Variants in RERE observed in about 807,000 individuals in gnomAD.
RERE encodes arginine-glutamic acid dipeptide repeats protein.
A neutral mutation model predicts 146.1 loss-of-function variants in RERE; 40 were observed. That is an observed-to-expected ratio of 0.27 (90% CI 0.21 to 0.36). The LOEUF is 0.36. RERE is among the 10% of genes least tolerant of loss of function. The pLI is 1.00. For missense variants in RERE, 1,933 were observed against 2,138.7 expected, an observed-to-expected ratio of 0.90 and a Z score of 1.90; for synonymous variants, 1,003 against 866.0, an observed-to-expected ratio of 1.16 and a Z score of -2.78.
At chr1:8,473,441 C>T (rs1418957232) in intron 10 of RERE, among the ~76,000 whole-genome samples, 2 of 152,178 alleles carry the variant, frequency 1.3e-5, no homozygotes, top group East Asian at 1.9e-4. Flanking sequence ...TGGACCTCAT[C>T]GCGGATTTTG....
chr1:8,410,872 G>A (rs539551521), intron 12 of RERE, among the ~76,000 whole-genome samples: 18 of 152,204 alleles, frequency 1.2e-4, no homozygotes, highest in Admixed American at 4.6e-4. Context: ...GAGCACAACC[G>A]CAGCTCACTA....
At chr1:8,638,403 TG>T (rs777203400) in intron 2 of RERE, among the ~76,000 whole-genome samples, 3 of 152,194 alleles carry the variant, frequency 2.0e-5, no homozygotes, top group Non-Finnish European at 1.5e-5. Context: ...ATTTGACATT[TG>T]ATGAACTGGT....
chr1:8,653,930 T>C (rs1400094523), intron 2 of RERE, among the ~76,000 whole-genome samples: 1 of 152,084 alleles, frequency 6.6e-6, no homozygotes, highest in African/African-American at 2.4e-5. Flanking sequence ...ACCTCCACTC[T>C]GATCAATTTA....
chr1:8,782,777 G>A (rs1481209394), intron 1 of RERE, among the ~76,000 whole-genome samples: 1 of 152,056 alleles, frequency 6.6e-6, no homozygotes, highest in East Asian at 1.9e-4. Flanking sequence ...GTGGTAGCAG[G>A]CACCTGTAGT....
At chr1:8,388,336 G>A (rs1278442094) in intron 12 of RERE, among the ~76,000 whole-genome samples, 5 of 143,938 alleles carry the variant, frequency 3.5e-5, no homozygotes, top group African/African-American at 1.0e-4. Context: ...TTTTTGAGAC[G>A]GAGTCTCACT....
intron 1 of RERE, chr1:8,786,829 A>G (rs994554956): frequency 7.8e-5 from 75 of 955,936 alleles, no homozygotes; most frequent in Non-Finnish European, 1.1e-4. Context: ...GTTTTGGGCA[A>G]ACTTCTTTCT....
intron 11 of RERE, among the ~76,000 whole-genome samples, chr1:8,439,287 A>G (rs1347507610): frequency 6.6e-6 from 1 of 152,218 alleles, no homozygotes; most frequent in Non-Finnish European, 1.5e-5. Context: ...CTCAATTACT[A>G]ATTGTTCTAA....
intron 4 of RERE, among the ~76,000 whole-genome samples, chr1:8,598,001 A>G (rs552546356): frequency 2.0e-5 from 3 of 152,290 alleles, no homozygotes; most frequent in African/African-American, 7.2e-5. Flanking sequence ...TAAAAGAGAA[A>G]TATGTCTCTA....
intron 19 of RERE, 126 bp from the exon 20 acceptor site, chr1:8,359,042 G>A (rs1002505440): frequency 2.1e-5 from 26 of 1,236,226 alleles, no homozygotes; most frequent in Admixed American, 3.3e-5. Context: ...GTCCCTCCAC[G>A]GAGACCCGGC....
chr1:8,497,870 T>C (rs1645066531), intron 8 of RERE, among the ~76,000 whole-genome samples: 3 of 152,148 alleles, frequency 2.0e-5, no homozygotes, highest in Non-Finnish European at 4.4e-5. Flanking sequence ...CAGCTATTGA[T>C]AAAGAAGGAA....
intron 12 of RERE, among the ~76,000 whole-genome samples, chr1:8,400,187 TCA>T (rs138050288): frequency 0.22 from 32,575 of 150,462 alleles, 4,332 homozygotes; most frequent in Non-Finnish European, 0.29. Context: ...CACCTACAAA[TCA>T]GTTTTGTCTC....
chr1:8,448,956 G>C (rs1644358270), intron 11 of RERE, among the ~76,000 whole-genome samples: 1 of 152,006 alleles, frequency 6.6e-6, no homozygotes, highest in Non-Finnish European at 1.5e-5. Flanking sequence ...CACTCACACA[G>C]GAAACCTCAC....
intron 1 of RERE, among the ~76,000 whole-genome samples, chr1:8,796,912 CCGT>C (rs1641485963): frequency 6.6e-6 from 1 of 152,154 alleles, no homozygotes; most frequent in Admixed American, 6.6e-5. Flanking sequence ...CTATGAGCCT[CCGT>C]TGACAACTTC....
intron 1 of RERE, among the ~76,000 whole-genome samples, chr1:8,731,781 TTTGTTTGTTTG>T (rs754597148): frequency 7.3e-5 from 11 of 150,222 alleles, no homozygotes; most frequent in Non-Finnish European, 1.2e-4. Context: ...ATAATGTTTT[TTTGTTTGTTTG>T]TTTGTTTGTT....
chr1:8,638,758 G>A (rs1407731054), intron 2 of RERE, among the ~76,000 whole-genome samples: 1 of 149,044 alleles, frequency 6.7e-6, no homozygotes, highest in African/African-American at 2.5e-5. Flanking sequence ...GGAAAATGCA[G>A]AAGGAAACTC....
chr1:8,610,573 C>A (rs543772749), intron 4 of RERE, among the ~76,000 whole-genome samples: 9 of 151,570 alleles, frequency 5.9e-5, no homozygotes, highest in Admixed American at 1.3e-4. Flanking sequence ...TTGCTCTGGG[C>A]GACAGAGCAA....
rs369910613 is a variant in RERE, at chr1:8,672,790, A to T, written c.-144-16349T>A. Among the ~76,000 whole-genome samples, 36 of 152,312 alleles carry T rather than the reference A, an allele frequency of 2.4e-4. No individual in the cohort carries two copies. In the South Asian group the frequency reaches 7.5e-3, roughly 32 times the overall value. ...TAACTTCACACTTTACAGTGTCTCCATGCAGCAACAGCAACAACAAAAAAA... is the reference window on the plus strand; with the variant it reads ...TAACTTCACACTTTACAGTGTCTCCTTGCAGCAACAGCAACAACAAAAAAA... On this transcript the variant is annotated intron_variant, in intron 1 of 22. Transcript: ENST00000400908.
intron 1 of RERE, among the ~76,000 whole-genome samples, chr1:8,799,690 T>C (rs1420766261): frequency 1.3e-5 from 2 of 152,062 alleles, no homozygotes; most frequent in African/African-American, 2.4e-5. Context: ...CAGGACAGGT[T>C]TGAATGAGGC....
chr1:8,737,528 A>G (rs1640224923), intron 1 of RERE, among the ~76,000 whole-genome samples: 1 of 152,282 alleles, frequency 6.6e-6, no homozygotes, highest in South Asian at 2.1e-4. Context: ...CAAGTTGAAG[A>G]GAACTCACAT....
Sources: allele counts gnomAD v4.1 joint callset (sites outside exome capture counted in the v4.1 genomes callset), GRCh38; gene constraint gnomAD v4.1.1; transcripts MANE v1.5; gene names NCBI Gene and HGNC (gene_info 2026-07-23, HGNC 2026-07-21).